The following DLGAP1 variants were observed in gnomAD, a reference collection of about 807,000 sequenced individuals.
DLGAP1 encodes the protein DLG associated protein 1.
DLGAP1 carries 11 observed loss-of-function variants against 90.8 expected under a neutral mutation model. The observed-to-expected ratio is 0.12, with a 90% CI of 0.08 to 0.20. The LOEUF (loss-of-function observed/expected upper bound fraction) is 0.20. Ranked by LOEUF, DLGAP1 falls within the 10% of genes least tolerant of loss-of-function variation. DLGAP1 has a pLI of 1.00. For missense variants in DLGAP1, 1,050 were observed against 1,333.8 expected (o/e 0.79, Z 3.31); for synonymous variants, 558 against 540.7 (o/e 1.03, Z -0.44).
intron 1 of DLGAP1, among the ~76,000 whole-genome samples, chr18:4,355,251 T>C (rs1222110065): frequency 1.3e-5 from 2 of 152,200 alleles, no homozygotes; most frequent in African/African-American, 2.4e-5. Context: ...GGTCCATCCA[T>C]ACCATGGACT....
At chr18:4,264,903 T>C (rs1446617760) in intron 1 of DLGAP1, 2 of 152,188 alleles carry the variant, frequency 1.3e-5, no homozygotes, top group African/African-American at 4.8e-5. Context: ...ATGAGGAAGG[T>C]AGGAAGATTG....
At chr18:3,672,510 G>C (rs1379793366) in intron 7 of DLGAP1, among the ~76,000 whole-genome samples, 3 of 146,132 alleles carry the variant, frequency 2.1e-5, no homozygotes, top group African/African-American at 7.5e-5. Context: ...CTGGGAGGCA[G>C]AGGTTGCGGT....
At chr18:3,951,927 G>A (rs918657706) in intron 3 of DLGAP1, among the ~76,000 whole-genome samples, 4 of 152,086 alleles carry the variant, frequency 2.6e-5, no homozygotes, top group Admixed American at 1.3e-4. Context: ...ACCCAGTCTC[G>A]GGTAGTATCT....
intron 9 of DLGAP1, among the ~76,000 whole-genome samples, chr18:3,537,362 T>C (rs2052439211): frequency 6.6e-6 from 1 of 152,216 alleles, no homozygotes; most frequent in Admixed American, 6.5e-5. Context: ...TAGTATTTAT[T>C]TGTCTTTTTG....
intron 2 of DLGAP1, among the ~76,000 whole-genome samples, chr18:4,147,236 C>T (rs772837333): frequency 3.9e-5 from 6 of 152,122 alleles, no homozygotes; most frequent in African/African-American, 9.7e-5. Context: ...ACACAACCAG[C>T]GGCTCTTTCA....
At chr18:3,864,519 G>A (rs912909289) in intron 4 of DLGAP1, among the ~76,000 whole-genome samples, 4 of 152,148 alleles carry the variant, frequency 2.6e-5, no homozygotes, top group Non-Finnish European at 5.9e-5. Context: ...AACAAAGAGG[G>A]GAGAGAATTA....
intron 1 of DLGAP1, among the ~76,000 whole-genome samples, chr18:4,226,683 C>CAAAAAAAAAAAA (rs34227245): frequency 8.0e-6 from 1 of 125,612 alleles, no homozygotes; most frequent in Non-Finnish European, 1.7e-5. Flanking sequence ...ATGGTAAACT[C>CAAAAAAAAAAAA]AAAAAAAAAA....
chr18:4,430,323 C>T (rs2083257049), intron 1 of DLGAP1, among the ~76,000 whole-genome samples: 2 of 152,016 alleles, frequency 1.3e-5, no homozygotes, highest in South Asian at 4.2e-4. Flanking sequence ...AGCTAAAAAG[C>T]GATATTCACT....
intron 7 of DLGAP1, among the ~76,000 whole-genome samples, chr18:3,707,664 G>A (rs771608768): frequency 6.6e-6 from 1 of 151,782 alleles, no homozygotes; most frequent in South Asian, 2.1e-4. Flanking sequence ...TTTTCATTGC[G>A]CTTAGAATAC....
chr18:3,820,429 T>G (rs1201500471), intron 4 of DLGAP1, among the ~76,000 whole-genome samples: 1 of 152,164 alleles, frequency 6.6e-6, no homozygotes, highest in African/African-American at 2.4e-5. Context: ...AGGCATTTGG[T>G]TGATTTGGTG....
At chr18:3,770,886 T>C (rs752914177) in intron 5 of DLGAP1, 1 of 152,212 alleles carries the variant, frequency 6.6e-6, no homozygotes, top group Non-Finnish European at 1.5e-5. Flanking sequence ...GATAGGTGTT[T>C]AGGTGTTGGA....
At chr18:3,743,488 G>A (rs2063142843) in intron 5 of DLGAP1, among the ~76,000 whole-genome samples, 1 of 150,692 alleles carries the variant, frequency 6.6e-6, no homozygotes, top group South Asian at 2.1e-4. Context: ...CCGAGTAGCT[G>A]GGACTACAGG....
At chr18:4,308,000 C>A (rs2080305207) in intron 1 of DLGAP1, among the ~76,000 whole-genome samples, 1 of 152,148 alleles carries the variant, frequency 6.6e-6, no homozygotes, top group South Asian at 2.1e-4. Context: ...CGGGCATGAG[C>A]CACCGTGCCC....
chr18:3,712,975 A>G (rs2061644637), intron 7 of DLGAP1, among the ~76,000 whole-genome samples: 1 of 152,230 alleles, frequency 6.6e-6, no homozygotes, highest in African/African-American at 2.4e-5. Flanking sequence ...AGGATGGGGC[A>G]GGACACAGTG....
At chr18:3,563,914 C>T (rs572489376) in intron 9 of DLGAP1, among the ~76,000 whole-genome samples, 1 of 152,244 alleles carries the variant, frequency 6.6e-6, no homozygotes, top group Admixed American at 6.5e-5. Context: ...TGTTTTTTAT[C>T]TCCAGCATTT....
At chr18:3,727,000 A>G (rs1464784304) in intron 7 of DLGAP1, among the ~76,000 whole-genome samples, 2 of 152,240 alleles carry the variant, frequency 1.3e-5, no homozygotes, top group Non-Finnish European at 2.9e-5. Flanking sequence ...TAGATTAAAA[A>G]TGGAACAACA....
At chr18:4,001,478 C>T (rs947666840) in intron 3 of DLGAP1, among the ~76,000 whole-genome samples, 2 of 151,806 alleles carry the variant, frequency 1.3e-5, no homozygotes, top group Non-Finnish European at 2.9e-5. Context: ...CCATTTTTTT[C>T]TTTATTAATG....
intron 5 of DLGAP1, among the ~76,000 whole-genome samples, chr18:3,754,139 T>C (rs1352129789): frequency 2.0e-5 from 3 of 152,152 alleles, no homozygotes; most frequent in Admixed American, 6.5e-5. Flanking sequence ...TAGTTGGAAC[T>C]ACAGGCACAT....
chr18:4,194,560 G>C (rs1186563862), intron 1 of DLGAP1, among the ~76,000 whole-genome samples: 2 of 151,924 alleles, frequency 1.3e-5, no homozygotes, highest in East Asian at 3.8e-4. Flanking sequence ...GAGAGTGTAC[G>C]TATTTTTTTC....
Sources: gnomAD v4.1 joint callset for allele counts (sites outside exome capture counted in the v4.1 genomes callset) on GRCh38, gnomAD v4.1.1 for gene constraint, MANE v1.5 for transcripts, NCBI Gene and HGNC (gene_info 2026-07-23, HGNC 2026-07-21) for gene names.